Variants in CASTOR2 observed in about 807,000 individuals in gnomAD.
CASTOR2 encodes cytosolic arginine sensor for mTORC1 subunit 2, also known as GATS protein like 2.
A neutral mutation model predicts 31.2 loss-of-function variants in CASTOR2; 8 were observed. The ratio of observed to expected loss-of-function variants is 0.26; its 90% CI spans 0.15 to 0.46. The LOEUF is 0.46. Among genes scored for constraint, CASTOR2 ranks in the 20% least tolerant of loss-of-function variants. The probability of loss-of-function intolerance (pLI) is 0.99; values close to 1 mark genes in which losing one functional copy is unlikely to be tolerated. For synonymous variants in CASTOR2, 162 were observed against 158.7 expected (o/e 1.02, Z -0.16); for missense variants, 216 against 382.1 (o/e 0.57, Z 3.62).
intron 1 of CASTOR2, among the ~76,000 whole-genome samples, chr7:75,000,665 T>A (rs1258152265): frequency 6.6e-6 from 1 of 152,040 alleles, no homozygotes; most frequent in Admixed American, 6.6e-5. Context: ...TTTGTTTGTT[T>A]GTTTGTTTTT....
intron 1 of CASTOR2, among the ~76,000 whole-genome samples, chr7:74,995,933 G>A (rs1292813341): frequency 6.6e-6 from 1 of 151,742 alleles, no homozygotes; most frequent in Non-Finnish European, 1.5e-5. Flanking sequence ...AGCTATGATT[G>A]CACCATTGCA....
At chr7:74,985,889 C>T (rs1439623683) in intron 1 of CASTOR2, among the ~76,000 whole-genome samples, 1 of 152,048 alleles carries the variant, frequency 6.6e-6, no homozygotes, top group Non-Finnish European at 1.5e-5. Context: ...TCCATTTACT[C>T]CTTCAGCAGA....
At chr7:74,991,106 T>C (rs1584464705) in intron 1 of CASTOR2, among the ~76,000 whole-genome samples, 1 of 146,634 alleles carries the variant, frequency 6.8e-6, no homozygotes, top group East Asian at 2.0e-4. Flanking sequence ...AAAAAGAAAA[T>C]GCCCTCGCAC....
chr7:75,000,763 A>G (rs1271927681), intron 1 of CASTOR2, among the ~76,000 whole-genome samples: 9 of 151,914 alleles, frequency 5.9e-5, no homozygotes, highest in Middle Eastern at 6.8e-3. Context: ...GGTTCAAGCA[A>G]TTCTGCATCA....
chr7:74,998,120 G>A (rs1370787188), intron 1 of CASTOR2, among the ~76,000 whole-genome samples: 1 of 152,130 alleles, frequency 6.6e-6, no homozygotes, highest in African/African-American at 2.4e-5. Flanking sequence ...AGGCAGTTCA[G>A]CCCCGGCTCG....
intron 1 of CASTOR2, among the ~76,000 whole-genome samples, chr7:75,002,743 T>C (rs2131940817): frequency 6.6e-6 from 1 of 152,022 alleles, no homozygotes; most frequent in Non-Finnish European, 1.5e-5. Context: ...GAGTTTGCTT[T>C]GTGGGGAGTG....
At chr7:74,985,221 C>T (rs1322772651) in intron 1 of CASTOR2, among the ~76,000 whole-genome samples, 1 of 152,052 alleles carries the variant, frequency 6.6e-6, no homozygotes, top group Non-Finnish European at 1.5e-5. Flanking sequence ...GGAGGTCTAG[C>T]CCCTTCTCAG....
chr7:74,975,337 C>T (rs1197098198), intron 1 of CASTOR2, among the ~76,000 whole-genome samples: 1 of 150,242 alleles, frequency 6.7e-6, no homozygotes, highest in African/African-American at 2.4e-5. Context: ...TCTCAAACTC[C>T]TGACCTTAAG....
In CASTOR2 at chr7:75,026,878, C is replaced by T. The variant is rs913469713; in HGVS notation, c.*2179C>T. On this transcript the variant is annotated 3_prime_UTR_variant, in exon 9 of 9. Transcript: ENST00000616305. The stretch of plus-strand genomic sequence containing the variant: ...TTCCCGCCGTGCAAGTGTGTCGGCC[C>T]CGTGACCCCAGAGTCGTGTGTCCCC... Among the ~76,000 whole-genome samples the T allele has an allele frequency of 1.9e-4, 29 of 152,168 alleles. No homozygotes were observed. In the Middle Eastern group the frequency reaches 0.014, roughly 71 times the overall value.
intron 4 of CASTOR2, 34 bp downstream of exon 4, chr7:75,018,156 C>A: frequency 1.2e-6 from 2 of 1,608,604 alleles, no homozygotes; most frequent in Non-Finnish European, 8.5e-7. Flanking sequence ...GCAGGGGAAA[C>A]CTCACGAAGT....
intron 1 of CASTOR2, among the ~76,000 whole-genome samples, chr7:74,981,550 C>A (rs1803945787): frequency 6.9e-6 from 1 of 145,234 alleles, no homozygotes; most frequent in African/African-American, 2.5e-5. Context: ...AAGGTCTCAT[C>A]CCCTCCAGGC....
Position 74,990,405 on chromosome 7 carries a change from A to AAAC in CASTOR2, c.114-17574_114-17572dup, listed in dbSNP as rs1237170054. Among the ~76,000 whole-genome samples the AAAC allele has an allele frequency of 1.3e-4, 19 of 151,722 alleles. 1 individual carries two copies. The East Asian group carries it at 1.6e-3, about 12-fold the overall frequency. Reference sequence around the variant, plus strand: ...CTCAAAAAAAAAAAACAAAAACAAAAAACAACAACAACAACAAAAAAACAT... The same window carrying AAAC: ...CTCAAAAAAAAAAAACAAAAACAAAAAACAACAACAACAACAACAAAAAAACAT... On this transcript the variant is annotated intron_variant, in intron 1 of 8. Transcript: ENST00000616305.
At chr7:75,011,006 C>CAA (rs1804730014) in intron 2 of CASTOR2, among the ~76,000 whole-genome samples, 1 of 152,072 alleles carries the variant, frequency 6.6e-6, no homozygotes, top group East Asian at 1.9e-4. Flanking sequence ...GCACCCACCA[C>CAA]CATGCCCGGC....
At chr7:75,007,925 C>T (rs1804641600) in intron 1 of CASTOR2, 69 bp from the exon 2 acceptor site, 14 of 1,610,684 alleles carry the variant, frequency 8.7e-6, no homozygotes, top group African/African-American at 2.7e-5. Flanking sequence ...CCCCAGGGCA[C>T]GGGTGGGCAG....
intron 1 of CASTOR2, among the ~76,000 whole-genome samples, chr7:75,005,463 C>T (rs1170268112): frequency 6.6e-6 from 1 of 152,192 alleles, no homozygotes; most frequent in Admixed American, 6.6e-5. Flanking sequence ...CTCATGTGGA[C>T]ATGCCTTAGT....
chr7:74,998,487 C>T (rs1295220042), intron 1 of CASTOR2, among the ~76,000 whole-genome samples: 4 of 151,774 alleles, frequency 2.6e-5, no homozygotes, highest in Admixed American at 6.6e-5. Context: ...CCTGTAATCC[C>T]GGCTACTCGG....
At chr7:74,982,039 G>T (rs1429489986) in intron 1 of CASTOR2, among the ~76,000 whole-genome samples, 10 of 84,604 alleles carry the variant, frequency 1.2e-4, no homozygotes, top group African/African-American at 4.5e-4. Flanking sequence ...TTGCACTCTA[G>T]CCTGGTTGAC....
At chr7:74,990,840 G>A (rs1371324975) in intron 1 of CASTOR2, among the ~76,000 whole-genome samples, 4 of 152,358 alleles carry the variant, frequency 2.6e-5, no homozygotes, top group African/African-American at 9.6e-5. Context: ...GGGTGACAGA[G>A]TGAGACCCAG....
chr7:75,023,163 C>T (rs1388678311), intron 7 of CASTOR2, among the ~76,000 whole-genome samples: 1 of 152,028 alleles, frequency 6.6e-6, no homozygotes, highest in East Asian at 1.9e-4. Context: ...AAAAAATTAG[C>T]CGGTCGTGGT....
Sources: gnomAD v4.1 joint callset for allele counts (sites outside exome capture counted in the v4.1 genomes callset) on GRCh38, gnomAD v4.1.1 for gene constraint, MANE v1.5 for transcripts, NCBI Gene and HGNC (gene_info 2026-07-23, HGNC 2026-07-21) for gene names.